The following COX7B2 variants were observed in gnomAD, a reference collection of about 807,000 sequenced individuals.
The protein encoded by COX7B2 is cytochrome c oxidase subunit 7B2, mitochondrial.
For synonymous variants in COX7B2, 37 were observed against 32.1 expected (o/e 1.15, Z -0.51); for missense variants, 109 against 95.9 (o/e 1.14, Z -0.57).
chr4:46,739,114 G>A (rs970282207), intron 2 of COX7B2, among the ~76,000 whole-genome samples: 2 of 152,036 alleles, frequency 1.3e-5, no homozygotes, highest in African/African-American at 4.8e-5. Context: ...AACATTTATT[G>A]AGTATATACC....
intron 1 of COX7B2, among the ~76,000 whole-genome samples, chr4:46,898,867 G>C (rs886580386): frequency 1.3e-5 from 2 of 152,066 alleles, no homozygotes; most frequent in Non-Finnish European, 2.9e-5. Context: ...TCTGCTCCCT[G>C]ATCATAAAAT....
intron 2 of COX7B2, among the ~76,000 whole-genome samples, chr4:46,803,324 A>G (rs1718764012): frequency 6.6e-6 from 1 of 152,152 alleles, no homozygotes; most frequent in Non-Finnish European, 1.5e-5. Context: ...TTAGAAAACA[A>G]AGTTATGTTG....
At chr4:46,770,166 C>T (rs1307174717) in intron 2 of COX7B2, among the ~76,000 whole-genome samples, 4 of 152,048 alleles carry the variant, frequency 2.6e-5, no homozygotes, top group African/African-American at 7.2e-5. Flanking sequence ...AAAAAATCAA[C>T]CTGCAAAAAT....
At chr4:46,822,409 A>T (rs1714363279) in intron 2 of COX7B2, among the ~76,000 whole-genome samples, 2 of 152,040 alleles carry the variant, frequency 1.3e-5, no homozygotes. Flanking sequence ...GAGAGGATCC[A>T]GGTGAGGAGA....
intron 2 of COX7B2, among the ~76,000 whole-genome samples, chr4:46,740,854 C>T (rs964189771): frequency 6.6e-6 from 1 of 152,068 alleles, no homozygotes; most frequent in African/African-American, 2.4e-5. Context: ...GTTGATTTCA[C>T]CCAAAACCTC....
At chr4:46,886,761 A>G (rs993222910) in intron 1 of COX7B2, among the ~76,000 whole-genome samples, 2 of 152,182 alleles carry the variant, frequency 1.3e-5, no homozygotes, top group African/African-American at 4.8e-5. Context: ...TTTTTTCTCA[A>G]ACAGAAGTAA....
chr4:46,746,630 C>A, intron 2 of COX7B2, among the ~76,000 whole-genome samples: 1 of 152,166 alleles, frequency 6.6e-6, no homozygotes, highest in East Asian at 1.9e-4. Context: ...GTTTCTATAT[C>A]TAAAGTTTCA....
At chr4:46,850,523 A>G (rs1002700007) in intron 1 of COX7B2, among the ~76,000 whole-genome samples, 1 of 152,132 alleles carries the variant, frequency 6.6e-6, no homozygotes, top group Non-Finnish European at 1.5e-5. Flanking sequence ...AAATCTCAAT[A>G]TACCTCAGTA....
At position 46,807,833 on chromosome 4, in the gene COX7B2, A is replaced by G. The variant is rs1577729050; in HGVS notation, c.-50+37127T>C. Reference sequence around the variant, plus strand: ...TCCTTGTCTAAAATTAGTTGATAGTATATATTTAGGTTTATTTCTGGGGTC... The same window carrying G: ...TCCTTGTCTAAAATTAGTTGATAGTGTATATTTAGGTTTATTTCTGGGGTC... On this transcript the variant is annotated intron_variant, in intron 2 of 2. Coordinates refer to ENST00000355591, the MANE Select transcript of COX7B2 (RefSeq NM_130902.3). 3.3e-5 allele frequency among the ~76,000 whole-genome samples: 5 copies of G among 151,902 alleles called. No homozygotes were observed. In the South Asian group the frequency reaches 1.0e-3, roughly 32 times the overall value.
At chr4:46,763,384 C>T (rs1716342109) in intron 2 of COX7B2, among the ~76,000 whole-genome samples, 1 of 151,048 alleles carries the variant, frequency 6.6e-6, no homozygotes, top group Non-Finnish European at 1.5e-5. Flanking sequence ...GGTCTTACAG[C>T]AGGCCCAAGT....
chr4:46,837,777 C>T (rs2109746655), intron 2 of COX7B2, among the ~76,000 whole-genome samples: 1 of 152,096 alleles, frequency 6.6e-6, no homozygotes, highest in South Asian at 2.1e-4. Flanking sequence ...TAACATTCTG[C>T]TTTGTGTGTT....
chr4:46,735,063 C>G lies in COX7B2; in HGVS notation c.130G>C (p.Ala44Pro), dbSNP rs764685711. The change falls in exon 3 of 3, where the codon GCC (alanine) becomes CCC (proline). Residue 44 changes from alanine (A) to proline (P), a missense_variant. Physicochemically the swap from Ala to Pro is conservative, Grantham distance 27. Transcript: ENST00000355591. ...FHDKYGNAVLASGTAFCVATW... is the reference protein window; with the variant it reads ...FHDKYGNAVLPSGTAFCVATW... Reference sequence around the variant, plus strand: ...GCAACACAGAAAGCAGTTCCACTGGCTAGCACAGCATTACCATATTTATCA... The same window carrying G: ...GCAACACAGAAAGCAGTTCCACTGGGTAGCACAGCATTACCATATTTATCA... 3 of 1,614,064 alleles carry G rather than the reference C, an allele frequency of 1.9e-6. No homozygotes were observed. Among genetic ancestry groups the G allele is most frequent in the Admixed American group, 1.7e-5 (1 of 60,020 alleles).
intron 2 of COX7B2, among the ~76,000 whole-genome samples, chr4:46,827,306 C>T (rs1198616624): frequency 2.0e-5 from 3 of 151,844 alleles, no homozygotes; most frequent in Admixed American, 1.3e-4. Context: ...AAATCACAAC[C>T]GAGAAACTCA....
chr4:46,813,435 A>T (rs563436243), intron 2 of COX7B2, among the ~76,000 whole-genome samples: 3 of 152,190 alleles, frequency 2.0e-5, no homozygotes, highest in Non-Finnish European at 4.4e-5. Flanking sequence ...GCAAACATAG[A>T]TCACTCAGAT....
At chr4:46,750,646 C>T (rs748645012) in intron 2 of COX7B2, among the ~76,000 whole-genome samples, 1 of 152,080 alleles carries the variant, frequency 6.6e-6, no homozygotes, top group Non-Finnish European at 1.5e-5. Context: ...TTCAGTCTGC[C>T]TAGGCTGCCC....
chr4:46,890,828 T>G (rs1379830353), intron 1 of COX7B2, among the ~76,000 whole-genome samples: 1 of 152,214 alleles, frequency 6.6e-6, no homozygotes, highest in African/African-American at 2.4e-5. Flanking sequence ...GTAAGGATTT[T>G]GGATTTTATT....
chr4:46,890,857 G>C (rs1306162848), intron 1 of COX7B2, among the ~76,000 whole-genome samples: 1 of 152,188 alleles, frequency 6.6e-6, no homozygotes, highest in Non-Finnish European at 1.5e-5. Context: ...TAAGTCACTA[G>C]AGAATTTTGC....
intron 1 of COX7B2, chr4:46,904,060 T>C (rs1720229909): frequency 1.3e-5 from 2 of 152,308 alleles, no homozygotes; most frequent in South Asian, 2.1e-4. Flanking sequence ...TTTATGACCT[T>C]TGATAAACTA....
At chr4:46,765,792 A>G (rs2109495090) in intron 2 of COX7B2, among the ~76,000 whole-genome samples, 1 of 151,960 alleles carries the variant, frequency 6.6e-6, no homozygotes, top group African/African-American at 2.4e-5. Context: ...TCATGAACCC[A>G]GGATCCAGGC....
Sources: gnomAD v4.1 joint callset for allele counts (sites outside exome capture counted in the v4.1 genomes callset) on GRCh38, gnomAD v4.1.1 for gene constraint, MANE v1.5 for transcripts, NCBI Gene and HGNC (gene_info 2026-07-23, HGNC 2026-07-21) for gene names.